Variants in SCOC observed in about 807,000 individuals in gnomAD.
SCOC encodes the protein short coiled-coil protein, also known as short coiled coil protein.
A neutral mutation model predicts 9.9 loss-of-function variants in SCOC; 7 were observed. That is an observed-to-expected ratio of 0.71 (90% CI 0.40 to 1.33). The LOEUF is 1.33. SCOC is among the 40% of genes most tolerant of loss of function. The pLI is 0.01. For missense variants in SCOC, 66 were observed against 89.7 expected (o/e 0.74, Z 1.07); for synonymous variants, 19 against 28.2 (o/e 0.67, Z 1.03).
At chr4:140,319,276 A>T (rs1419973708) in intron 1 of SCOC, among the ~76,000 whole-genome samples, 1 of 152,052 alleles carries the variant, frequency 6.6e-6, no homozygotes, top group African/African-American at 2.4e-5. Flanking sequence ...TTTTTAGTAG[A>T]GATGGGGTTT....
upstream of SCOC, chr4:140,373,592 TG>T: frequency 6.4e-7 from 1 of 1,551,516 alleles, no homozygotes. Context: ...TGGGACGGGA[TG>T]GGATTCTTCT....
At chr4:140,315,928 G>A (rs1353271656) in intron 1 of SCOC, among the ~76,000 whole-genome samples, 3 of 152,160 alleles carry the variant, frequency 2.0e-5, no homozygotes, top group African/African-American at 7.2e-5. Context: ...GCAGGTTGCA[G>A]TGGCTTTTTC....
chr4:140,355,566 T>G (rs1043449514), intron 2 of SCOC, among the ~76,000 whole-genome samples: 1 of 152,148 alleles, frequency 6.6e-6, no homozygotes, highest in African/African-American at 2.4e-5. Context: ...ATAGCATTTC[T>G]GCATTGTACT....
intron 1 of SCOC, among the ~76,000 whole-genome samples, chr4:140,267,726 C>T (rs1254233535): frequency 2.0e-5 from 3 of 152,196 alleles, no homozygotes; most frequent in African/African-American, 7.2e-5. Context: ...GAACCCCCTC[C>T]TCCCTTTCCT....
At chr4:140,337,666 T>G (rs1166081935) in intron 1 of SCOC, among the ~76,000 whole-genome samples, 1 of 152,128 alleles carries the variant, frequency 6.6e-6, no homozygotes, top group African/African-American at 2.4e-5. Context: ...GAGAATACTA[T>G]AAACACCTCT....
At chr4:140,297,034 C>T (rs1731660507) in intron 1 of SCOC, among the ~76,000 whole-genome samples, 1 of 152,194 alleles carries the variant, frequency 6.6e-6, no homozygotes, top group African/African-American at 2.4e-5. Flanking sequence ...GCTGATTTAA[C>T]TCCTCAACAG....
intron 1 of SCOC, among the ~76,000 whole-genome samples, chr4:140,304,266 T>TGTG: frequency 6.6e-6 from 1 of 152,188 alleles, no homozygotes; most frequent in Middle Eastern, 3.2e-3. Context: ...AGGGTTTTGT[T>TGTG]GTTGTTGTTT....
At chr4:140,272,557 T>C (rs1730870138) in intron 1 of SCOC, among the ~76,000 whole-genome samples, 1 of 152,206 alleles carries the variant, frequency 6.6e-6, no homozygotes, top group African/African-American at 2.4e-5. Flanking sequence ...CTAACTAGAA[T>C]GTAAGCTTCA....
At chr4:140,285,157 G>C (rs1338441589) in intron 1 of SCOC, 1 of 456,582 alleles carries the variant, frequency 2.2e-6, no homozygotes, top group South Asian at 1.5e-5. Context: ...GAAGCAAACA[G>C]GAGTTGGGTC....
chr4:140,332,873 C>G (rs938519085), intron 1 of SCOC, among the ~76,000 whole-genome samples: 1 of 152,164 alleles, frequency 6.6e-6, no homozygotes, highest in Admixed American at 6.5e-5. Context: ...CTGCCTTCCC[C>G]TACCCCTCAC....
chr4:140,304,033 G>A (rs1408027827), intron 1 of SCOC, among the ~76,000 whole-genome samples: 1 of 152,132 alleles, frequency 6.6e-6, no homozygotes, highest in Non-Finnish European at 1.5e-5. Flanking sequence ...GGAGTTCATT[G>A]TATCATTTGA....
intron 1 of SCOC, among the ~76,000 whole-genome samples, chr4:140,260,781 G>A (rs1228849231): frequency 1.3e-5 from 2 of 152,128 alleles, no homozygotes; most frequent in African/African-American, 4.8e-5. Context: ...TATATCCCAG[G>A]TGATTCTGAT....
At chr4:140,327,879 GT>G (rs922608256) in intron 1 of SCOC, among the ~76,000 whole-genome samples, 9 of 149,530 alleles carry the variant, frequency 6.0e-5, no homozygotes, top group African/African-American at 9.8e-5. Flanking sequence ...TGTTTGGCAT[GT>G]TTTTTTTTTC....
chr4:140,325,314 A>T (rs918091030), intron 1 of SCOC, among the ~76,000 whole-genome samples: 1 of 152,158 alleles, frequency 6.6e-6, no homozygotes, highest in Non-Finnish European at 1.5e-5. Context: ...GATAAATTTG[A>T]CTTTATCAAA....
chr4:140,260,051 A>G (rs1306110827), intron 1 of SCOC, among the ~76,000 whole-genome samples: 1 of 152,220 alleles, frequency 6.6e-6, no homozygotes, highest in Admixed American at 6.5e-5. Context: ...GAATACCCTG[A>G]GACATTATTT....
At chr4:140,280,610 T>C (rs891680451) in intron 1 of SCOC, among the ~76,000 whole-genome samples, 5 of 152,242 alleles carry the variant, frequency 3.3e-5, no homozygotes, top group African/African-American at 1.2e-4. Flanking sequence ...GGTATGCGTC[T>C]AGAATAACTG....
chr4:140,287,622 G>A (rs1270621418), intron 1 of SCOC, among the ~76,000 whole-genome samples: 2 of 150,798 alleles, frequency 1.3e-5, no homozygotes, highest in Admixed American at 1.3e-4. Context: ...CTACACACAT[G>A]CATATGCACA....
intron 1 of SCOC, among the ~76,000 whole-genome samples, chr4:140,305,452 G>C (rs1344940934): frequency 6.6e-6 from 1 of 152,150 alleles, no homozygotes; most frequent in Non-Finnish European, 1.5e-5. Context: ...ATATCTGTAT[G>C]GACCTTAAAA....
intron 1 of SCOC, among the ~76,000 whole-genome samples, chr4:140,334,046 TAG>T: frequency 6.6e-6 from 1 of 152,194 alleles, no homozygotes; most frequent in South Asian, 2.1e-4. Context: ...GCCTCCTGAG[TAG>T]CTGGGACTAC....
Sources: allele counts gnomAD v4.1 joint callset (sites outside exome capture counted in the v4.1 genomes callset), GRCh38; gene constraint gnomAD v4.1.1; transcripts MANE v1.5; gene names NCBI Gene and HGNC (gene_info 2026-07-23, HGNC 2026-07-21).